ALOX5AP: variants seen among roughly 807,000 people sequenced by gnomAD.
The protein encoded by ALOX5AP is arachidonate 5-lipoxygenase activating protein, also known as arachidonate 5-lipoxygenase-activating protein.
A neutral mutation model predicts 18.5 loss-of-function variants in ALOX5AP; 9 were observed. That is an observed-to-expected ratio of 0.49 (90% CI 0.29 to 0.85). The LOEUF (loss-of-function observed/expected upper bound fraction) is 0.85, where lower values mean the gene tolerates loss of function less well. Among genes scored for constraint, ALOX5AP ranks in the 40% least tolerant of loss-of-function variants. The pLI is 0.08. For missense variants in ALOX5AP, 172 were observed against 202.5 expected, an observed-to-expected ratio of 0.85 and a Z score of 0.91; for synonymous variants, 81 against 78.6, an observed-to-expected ratio of 1.03 and a Z score of -0.16.
intron 1 of ALOX5AP, among the ~76,000 whole-genome samples, chr13:30,741,837 T>TTTTTG (rs1555255435): frequency 2.7e-5 from 4 of 150,858 alleles, no homozygotes; most frequent in East Asian, 1.9e-4. Context: ...TTCTGTTTTT[T>TTTTTG]TTTTTTTTTT....
intron 1 of ALOX5AP, among the ~76,000 whole-genome samples, chr13:30,724,301 T>A (rs1951619711): frequency 1.3e-5 from 2 of 152,264 alleles, no homozygotes; most frequent in South Asian, 4.1e-4. Context: ...ATAATTCCAT[T>A]ATAAGAATAT....
At chr13:30,741,207 C>A (rs1049548860) in intron 1 of ALOX5AP, among the ~76,000 whole-genome samples, 7 of 141,234 alleles carry the variant, frequency 5.0e-5, no homozygotes, top group African/African-American at 1.3e-4. Context: ...ACTGCAAGCT[C>A]CGCCTCCCGG....
At chr13:30,722,864 A>T (rs536577326) in intron 1 of ALOX5AP, among the ~76,000 whole-genome samples, 1 of 152,176 alleles carries the variant, frequency 6.6e-6, no homozygotes, top group South Asian at 2.1e-4. Flanking sequence ...CCTCTCTCTC[A>T]CCTTGTAATC....
chr13:30,733,150 C>A (rs919049364), upstream of ALOX5AP, among the ~76,000 whole-genome samples: 1 of 128,748 alleles, frequency 7.8e-6, no homozygotes, highest in Admixed American at 8.1e-5. Flanking sequence ...CAGAGCAAGA[C>A]TCCGTCTCAA....
intron 4 of ALOX5AP, among the ~76,000 whole-genome samples, chr13:30,758,126 G>A (rs1387339817): frequency 2.6e-5 from 4 of 152,158 alleles, no homozygotes; most frequent in Admixed American, 2.6e-4. Context: ...CTGAGCAGCT[G>A]TCATAAGTAG....
At chr13:30,760,957 A>G (rs1021595716) in intron 4 of ALOX5AP, among the ~76,000 whole-genome samples, 1 of 152,114 alleles carries the variant, frequency 6.6e-6, no homozygotes, top group Middle Eastern at 3.2e-3. Context: ...TTCAAGGGCT[A>G]ATGACCCTGG....
At chr13:30,740,858 T>TA (rs1366916859) in intron 1 of ALOX5AP, among the ~76,000 whole-genome samples, 1 of 151,970 alleles carries the variant, frequency 6.6e-6, no homozygotes, top group African/African-American at 2.4e-5. Flanking sequence ...GATGCAGCCT[T>TA]AGAGAAAAGG....
In ALOX5AP at chr13:30,742,184, C is replaced by T. The variant is rs188498963; in HGVS notation, c.71-1876C>T. On this transcript the variant is annotated intron_variant, in intron 1 of 4. Coordinates refer to ENST00000380490, the MANE Select transcript of ALOX5AP (RefSeq NM_001629.4). Reference sequence around the variant, plus strand: ...TACAAAAATTAGCCGGGCGTGATGACGCATGCCTGTAGTCCCAGCTACTCG... The same window carrying T: ...TACAAAAATTAGCCGGGCGTGATGATGCATGCCTGTAGTCCCAGCTACTCG... Among the ~76,000 whole-genome samples, 198 of 152,132 alleles carry T rather than the reference C, an allele frequency of 1.3e-3. 1 individual carries two copies. Among genetic ancestry groups the T allele is most frequent in the African/African-American group, 4.3e-3 (178 of 41,524 alleles).
intron 1 of ALOX5AP, among the ~76,000 whole-genome samples, chr13:30,717,644 G>A (rs1359555394): frequency 2.0e-5 from 3 of 152,224 alleles, no homozygotes; most frequent in African/African-American, 4.8e-5. Context: ...TGCATAGGGC[G>A]AGGTGTGGAA....
At chr13:30,742,932 C>A (rs1156477277) in intron 1 of ALOX5AP, among the ~76,000 whole-genome samples, 3 of 147,052 alleles carry the variant, frequency 2.0e-5, no homozygotes, top group African/African-American at 7.6e-5. Context: ...ATCTCTGACA[C>A]CCCCACCGCC....
At position 30,735,771 on chromosome 13, in the gene ALOX5AP, G is replaced by A. The variant is rs528561957; in HGVS notation, c.70+96G>A. On this transcript the variant is annotated intron_variant, in intron 1 of 4. Transcript: ENST00000380490. ...CTTAAACAATTGTGTCTGTGTGTGC[G>A]CATGCACAAACACTTTTACCTTATC... 4.3e-4 allele frequency: 580 copies of A among 1,340,796 alleles called. 5 individuals are homozygous for A. Among genetic ancestry groups the A allele is most frequent in the South Asian group, 2.6e-4 (21 of 79,890 alleles). 83.1% of individuals were successfully genotyped at this position (1,340,796 alleles called of 1,614,324 possible). A position where few individuals can be genotyped will look rare whatever the true frequency, so the allele number is the denominator to read the frequency against.
intron 1 of ALOX5AP, among the ~76,000 whole-genome samples, chr13:30,730,188 C>T (rs1566080950): frequency 6.6e-6 from 1 of 152,340 alleles, no homozygotes; most frequent in East Asian, 1.9e-4. Flanking sequence ...TATGAGGTTA[C>T]AGCAAATTCA....
intron 1 of ALOX5AP, among the ~76,000 whole-genome samples, chr13:30,743,318 T>A (rs1020893663): frequency 5.9e-5 from 9 of 152,188 alleles, no homozygotes; most frequent in Non-Finnish European, 1.3e-4. Flanking sequence ...TTGCTTAATG[T>A]GGATGATCTG....
chr13:30,756,026 G>A lies in ALOX5AP; in HGVS notation c.323+1G>A, dbSNP rs1951891022. On this transcript the variant is annotated splice_donor_variant, in intron 4 of 4. Coordinates refer to ENST00000380490, the MANE Select transcript of ALOX5AP (RefSeq NM_001629.4). LOFTEE classifies it high-confidence loss of function. Reference sequence around the variant, plus strand: ...GTTACCTAGGAGAGAGAACGCAGAGGTAGGTAACTGGGACTACTAAAGAAC... The same window carrying A: ...GTTACCTAGGAGAGAGAACGCAGAGATAGGTAACTGGGACTACTAAAGAAC... 6.2e-7 allele frequency: 1 copy of A among 1,613,776 alleles called. No homozygotes were observed. The highest frequency in any genetic ancestry group is 8.5e-7 in the Non-Finnish European group (1 of 1,179,738).
chr13:30,733,998 C>T (rs1039305366), upstream of ALOX5AP, among the ~76,000 whole-genome samples: 1 of 152,184 alleles, frequency 6.6e-6, no homozygotes, highest in Non-Finnish European at 1.5e-5. Flanking sequence ...CTGGTCTCCA[C>T]CAGCAGCTTT....
intron 3 of ALOX5AP, 147 bp from the exon 4 acceptor site, chr13:30,755,797 T>G (rs2137827367): frequency 2.9e-6 from 2 of 700,014 alleles, no homozygotes; most frequent in Admixed American, 4.8e-5. Context: ...AGGAAGGTTC[T>G]CAGGTTTCCT....
rs377595114 is a variant in ALOX5AP, at chr13:30,761,811, C to G, written c.324-2133C>G. On this transcript the variant is annotated intron_variant, in intron 4 of 4. Transcript: ENST00000380490. The stretch of plus-strand genomic sequence containing the variant: ...TCTCCCCTTCTTATAAGACCCCAGT[C>G]ATACTGGATGAGGATCCACCCATAT... 2.4e-4 allele frequency among the ~76,000 whole-genome samples: 37 copies of G among 152,330 alleles called. 2 individuals carry two copies. The highest frequency in any genetic ancestry group is 7.9e-4 in the African/African-American group (33 of 41,568).
exon 1 of ALOX5AP, chr13:30,713,649 C>T: frequency 2.8e-6 from 3 of 1,061,098 alleles, no homozygotes; most frequent in Non-Finnish European, 4.2e-6. Context: ...GACCCTGTCA[C>T]ATCTGGACAA....
chr13:30,717,764 C>T (rs953609803), intron 1 of ALOX5AP, among the ~76,000 whole-genome samples: 6 of 152,070 alleles, frequency 3.9e-5, no homozygotes, highest in Non-Finnish European at 8.8e-5. Flanking sequence ...TGTTCAGCTC[C>T]CCAACCCAGT....
Sources: allele counts gnomAD v4.1 joint callset (sites outside exome capture counted in the v4.1 genomes callset), GRCh38; gene constraint gnomAD v4.1.1; transcripts MANE v1.5; gene names NCBI Gene and HGNC (gene_info 2026-07-23, HGNC 2026-07-21).